CCDC33: variants seen among roughly 807,000 people sequenced by gnomAD.
CCDC33 encodes the protein coiled-coil domain containing 33, also known as coiled-coil domain-containing protein 33.
In CCDC33, 94 loss-of-function variants were observed where a neutral mutation model predicts 91.9. That is an observed-to-expected ratio of 1.02 (90% CI 0.87 to 1.21). CCDC33 has a LOEUF of 1.21. Ranked by LOEUF, CCDC33 falls within the 50% of genes most tolerant of loss-of-function variation. The pLI is 0.00. For missense variants in CCDC33, 940 were observed against 935.5 expected (o/e 1.00, Z -0.06); for synonymous variants, 396 against 374.5 (o/e 1.06, Z -0.66).
chr15:74,314,513 A>G (rs1248365586), intron 11 of CCDC33, among the ~76,000 whole-genome samples: 1 of 152,190 alleles, frequency 6.6e-6, no homozygotes. Context: ...GCAAAATGCA[A>G]ACACACATTT....
chr15:74,308,557 G>T (rs908499242), intron 11 of CCDC33, among the ~76,000 whole-genome samples: 2 of 152,086 alleles, frequency 1.3e-5, no homozygotes, highest in Non-Finnish European at 2.9e-5. Context: ...GCTGAGACCC[G>T]AGTGGCTTGA....
Position 74,336,000 on chromosome 15 carries a change from C to T in CCDC33, c.2215C>T (p.Leu739Phe), listed in dbSNP as rs1166417673. ...CCTGCTGCCCAGCTCAGACTCTAAG[C>T]TCAACAAGCCCTTGAGCCCCCAGAA... ...EPLLPSSDSKLNKPLSPQKET... is the reference protein window; with the variant it reads ...EPLLPSSDSKFNKPLSPQKET... Residue 739 changes from leucine (L) to phenylalanine (F), a missense_variant, in exon 19 of 19, where the codon CTC (leucine) becomes TTC (phenylalanine). Coordinates refer to ENST00000398814, the MANE Select transcript of CCDC33 (RefSeq NM_025055.5). 1.9e-6 allele frequency: 3 copies of T among 1,614,060 alleles called. No individual in the cohort carries two copies. The highest frequency in any genetic ancestry group is 2.5e-6 in the Non-Finnish European group (3 of 1,180,028).
In CCDC33 at chr15:74,335,044, A is replaced by T; in HGVS notation, c.2095A>T (p.Lys699Ter). 6.2e-7 allele frequency: 1 copy of T among 1,614,088 alleles called. No homozygotes were observed. The highest frequency in any genetic ancestry group is 8.5e-7 in the Non-Finnish European group (1 of 1,180,006). The change falls in exon 18 of 19, where the codon AAA becomes TAA. Residue 699 changes from lysine (K) to a stop codon, truncating the protein, a stop_gained. Coordinates refer to ENST00000398814, the MANE Select transcript of CCDC33 (RefSeq NM_025055.5). LOFTEE classifies it low-confidence loss of function (END_TRUNC). The part of the protein sequence containing the change: ...DLATRLQEQE[K>*]GFRHPSNSII... Reference sequence around the variant, plus strand: ...GGCCACACGGCTGCAGGAGCAAGAAAAAGGTTTCAGGCACCCCTCGAACTC... The same window carrying T: ...GGCCACACGGCTGCAGGAGCAAGAATAAGGTTTCAGGCACCCCTCGAACTC...
chr15:74,271,905 C>A, intron 6 of CCDC33, 111 bp downstream of exon 6: 1 of 869,448 alleles, frequency 1.2e-6, no homozygotes, highest in South Asian at 1.6e-5. Flanking sequence ...GGCAACCCCT[C>A]TACCCCTAAG....
At chr15:74,290,176 CT>C (rs939517988) in intron 10 of CCDC33, among the ~76,000 whole-genome samples, 1 of 119,842 alleles carries the variant, frequency 8.3e-6, no homozygotes, top group Non-Finnish European at 1.9e-5. Context: ...TGTTAGGTTT[CT>C]TTTCCTTTTT....
At chr15:74,308,229 A>G (rs1432814450) in intron 11 of CCDC33, among the ~76,000 whole-genome samples, 1 of 151,842 alleles carries the variant, frequency 6.6e-6, no homozygotes, top group Non-Finnish European at 1.5e-5. Context: ...CCCTCCCCCA[A>G]CCCTCACCAC....
rs144315347 is a variant in CCDC33, at chr15:74,283,378, G to C, written c.1095+1529G>C. On this transcript the variant is annotated intron_variant, in intron 10 of 18. Transcript: ENST00000398814. ...GGCATGTGTATCCTGGGACTAAAAG[G>C]AGCGTCAGGTGCCCCTGGTCAGGGG... 9.5e-3 allele frequency among the ~76,000 whole-genome samples: 1,441 copies of C among 152,292 alleles called. 16 individuals carry two copies. The highest frequency in any genetic ancestry group is 0.033 in the African/African-American group (1,365 of 41,562).
intron 11 of CCDC33, among the ~76,000 whole-genome samples, chr15:74,321,272 A>T (rs1420402554): frequency 6.6e-6 from 1 of 151,526 alleles, no homozygotes; most frequent in Non-Finnish European, 1.5e-5. Context: ...TATTTTTGAG[A>T]TGGAGTCTTG....
chr15:74,221,199 T>G, intron 2 of CCDC33: 1 of 983,170 alleles, frequency 1.0e-6, no homozygotes, highest in Non-Finnish European at 1.2e-6. Context: ...CTCCAGTTTG[T>G]GTAGTGTGTG....
intron 7 of CCDC33, 26 bp from the exon 8 acceptor site, chr15:74,279,937 C>T (rs752459365): frequency 1.2e-6 from 2 of 1,607,648 alleles, no homozygotes; most frequent in Non-Finnish European, 1.7e-6. Flanking sequence ...TGGCCCCCAC[C>T]ACCTGCTCCT....
chr15:74,275,063 C>T (rs958986460), intron 7 of CCDC33, among the ~76,000 whole-genome samples: 5 of 152,208 alleles, frequency 3.3e-5, no homozygotes, highest in African/African-American at 1.2e-4. Flanking sequence ...AGACCCCTGC[C>T]CTGTTCCCTT....
At chr15:74,290,193 T>G (rs1422734567) in intron 10 of CCDC33, among the ~76,000 whole-genome samples, 2 of 151,704 alleles carry the variant, frequency 1.3e-5, no homozygotes, top group African/African-American at 2.4e-5. Context: ...TTTTTTTTTT[T>G]TTGAGATGGA....
At chr15:74,335,491 T>A (rs1228222837) in intron 18 of CCDC33, 1 of 426,568 alleles carries the variant, frequency 2.3e-6, no homozygotes, top group Non-Finnish European at 4.2e-6. Flanking sequence ...AGCACACCCT[T>A]CTCAGATGGC....
intron 1 of CCDC33, chr15:74,243,776 C>A (rs1040070599): frequency 3.3e-6 from 2 of 611,770 alleles, no homozygotes; most frequent in Non-Finnish European, 6.0e-6. Context: ...GAAATCCCGT[C>A]TCTACTAAAA....
At chr15:74,208,755 C>T in intron 1 of CCDC33, 1 of 988,794 alleles carries the variant, frequency 1.0e-6, no homozygotes, top group Non-Finnish European at 1.2e-6. Context: ...TGTTCCCCGA[C>T]CTGTTCCAAT....
intron 10 of CCDC33, among the ~76,000 whole-genome samples, chr15:74,283,820 C>CACACACACA (rs56079858): frequency 0.045 from 6,699 of 148,186 alleles, 165 homozygotes; most frequent in Middle Eastern, 0.09. Context: ...ACACACACAC[C>CACACACACA]CCCTCTACAT....
chr15:74,230,294 G>T (rs1333663514), intron 2 of CCDC33, among the ~76,000 whole-genome samples: 3 of 152,128 alleles, frequency 2.0e-5, no homozygotes, highest in East Asian at 1.9e-4. Context: ...TGAGCCTATT[G>T]TCCCCACCCC....
chr15:74,224,814 T>G (rs2074734869), intron 2 of CCDC33, among the ~76,000 whole-genome samples: 1 of 152,200 alleles, frequency 6.6e-6, no homozygotes, highest in Non-Finnish European at 1.5e-5. Context: ...TTGGGATGTC[T>G]GTATTGGGCA....
intron 1 of CCDC33, among the ~76,000 whole-genome samples, chr15:74,241,391 C>T (rs995635492): frequency 6.6e-6 from 1 of 152,198 alleles, no homozygotes; most frequent in African/African-American, 2.4e-5. Context: ...GAGTGACACC[C>T]AGGGTGGAGC....
Sources: gnomAD v4.1 joint callset for allele counts (sites outside exome capture counted in the v4.1 genomes callset) on GRCh38, gnomAD v4.1.1 for gene constraint, MANE v1.5 for transcripts, NCBI Gene and HGNC (gene_info 2026-07-23, HGNC 2026-07-21) for gene names.